Variants in NELL1 observed in about 807,000 individuals in gnomAD.
NELL1 encodes protein kinase C-binding protein NELL1.
NELL1 carries 76 observed loss-of-function variants against 107.4 expected under a neutral mutation model. That is an observed-to-expected ratio of 0.71 (90% CI 0.59 to 0.86). NELL1 has a LOEUF of 0.86. Among genes scored for constraint, NELL1 ranks in the 40% least tolerant of loss-of-function variants. The pLI is 0.00. For synonymous variants in NELL1, 353 were observed against 341.2 expected (o/e 1.03, Z -0.38); for missense variants, 1,024 against 1,005.5 (o/e 1.02, Z -0.25).
At chr11:21,125,405 G>A (rs1855464661) in intron 13 of NELL1, among the ~76,000 whole-genome samples, 1 of 152,044 alleles carries the variant, frequency 6.6e-6, no homozygotes, top group Non-Finnish European at 1.5e-5. Flanking sequence ...GAATAACTTG[G>A]ATTCTAAATA....
chr11:20,980,227 C>T (rs781186279), intron 12 of NELL1, among the ~76,000 whole-genome samples: 33 of 152,142 alleles, frequency 2.2e-4, no homozygotes, highest in Admixed American at 8.5e-4. Context: ...TCCTGAATCC[C>T]TCTTACACAG....
At chr11:20,804,335 A>C (rs1016534030) in intron 3 of NELL1, among the ~76,000 whole-genome samples, 2 of 152,100 alleles carry the variant, frequency 1.3e-5, no homozygotes, top group African/African-American at 2.4e-5. Flanking sequence ...TCCTGAGTTC[A>C]AGCAAGTCTC....
chr11:21,020,240 G>A (rs1852666138), intron 12 of NELL1, among the ~76,000 whole-genome samples: 1 of 152,090 alleles, frequency 6.6e-6, no homozygotes, highest in African/African-American at 2.4e-5. Flanking sequence ...CAGAACAATA[G>A]CATACCAACA....
intron 12 of NELL1, among the ~76,000 whole-genome samples, chr11:21,101,617 T>G (rs1451245272): frequency 6.6e-6 from 1 of 152,156 alleles, no homozygotes; most frequent in Non-Finnish European, 1.5e-5. Flanking sequence ...TCATGTGTCT[T>G]TTGGCTGCAT....
At chr11:21,347,252 G>A (rs1850702610) in intron 14 of NELL1, among the ~76,000 whole-genome samples, 1 of 152,094 alleles carries the variant, frequency 6.6e-6, no homozygotes, top group Admixed American at 6.5e-5. Context: ...CTAGTCAAAG[G>A]GAACAACAAG....
intron 2 of NELL1, among the ~76,000 whole-genome samples, chr11:20,711,994 A>G (rs1564874615): frequency 6.6e-6 from 1 of 152,066 alleles, no homozygotes; most frequent in Non-Finnish European, 1.5e-5. Context: ...AGCTGTCTAG[A>G]TCTTTAGTAA....
intron 2 of NELL1, among the ~76,000 whole-genome samples, chr11:20,752,226 T>C (rs945640193): frequency 2.6e-5 from 4 of 152,198 alleles, no homozygotes; most frequent in Admixed American, 6.5e-5. Context: ...TGAGTTGTCA[T>C]GTATTCCTAC....
chr11:21,393,794 T>C (rs929071082), intron 15 of NELL1, among the ~76,000 whole-genome samples: 3 of 151,676 alleles, frequency 2.0e-5, no homozygotes, highest in African/African-American at 7.3e-5. Flanking sequence ...GACTATGAAA[T>C]AGTTGACTTC....
intron 2 of NELL1, among the ~76,000 whole-genome samples, chr11:20,735,593 G>A (rs1474412139): frequency 1.3e-5 from 2 of 152,174 alleles, no homozygotes; most frequent in Non-Finnish European, 2.9e-5. Flanking sequence ...AATTCAAGAT[G>A]AGATTTGGGT....
intron 4 of NELL1, among the ~76,000 whole-genome samples, chr11:20,881,426 A>G (rs540162122): frequency 6.6e-6 from 1 of 152,188 alleles, no homozygotes; most frequent in Non-Finnish European, 1.5e-5. Flanking sequence ...AGTACAGACT[A>G]TAGGATCTGA....
chr11:21,070,862 T>C (rs1028216678), intron 12 of NELL1, among the ~76,000 whole-genome samples: 1 of 152,144 alleles, frequency 6.6e-6, no homozygotes, highest in Non-Finnish European at 1.5e-5. Context: ...AGGTCAACTA[T>C]CCCTCTTGCC....
chr11:20,696,957 C>T (rs1854633939), intron 2 of NELL1, among the ~76,000 whole-genome samples: 1 of 152,130 alleles, frequency 6.6e-6, no homozygotes, highest in South Asian at 2.1e-4. Flanking sequence ...ACTGTTTAAA[C>T]AGTTGGCTGC....
intron 10 of NELL1, among the ~76,000 whole-genome samples, chr11:20,943,242 A>G (rs574868067): frequency 6.6e-6 from 1 of 152,272 alleles, no homozygotes; most frequent in South Asian, 2.1e-4. Flanking sequence ...AGAGTTATTG[A>G]CAATAATTTT....
intron 13 of NELL1, among the ~76,000 whole-genome samples, chr11:21,122,133 A>G (rs923888995): frequency 2.0e-5 from 3 of 152,204 alleles, no homozygotes; most frequent in Non-Finnish European, 1.5e-5. Context: ...CTGTTGCAGA[A>G]CAACCAGGAT....
intron 12 of NELL1, among the ~76,000 whole-genome samples, chr11:20,975,920 C>CATATATGTACATATATGT (rs1554953002): frequency 1.8e-5 from 2 of 108,452 alleles, no homozygotes; most frequent in Non-Finnish European, 3.5e-5. Context: ...TATATAAACA[C>CATATATGTACATATATGT]ACATATATGT....
chr11:20,813,445 A>G (rs575306844), intron 3 of NELL1, among the ~76,000 whole-genome samples: 1 of 141,044 alleles, frequency 7.1e-6, no homozygotes, highest in South Asian at 2.5e-4. Context: ...GTAGATATAC[A>G]TGATGAGTTT....
At chr11:21,409,657 G>T (rs1379076413) in intron 15 of NELL1, among the ~76,000 whole-genome samples, 1 of 151,688 alleles carries the variant, frequency 6.6e-6, no homozygotes, top group African/African-American at 2.4e-5. Context: ...TAAAATTCAG[G>T]CTATCACACC....
chr11:21,563,126 C>T (rs1022924768), intron 17 of NELL1, among the ~76,000 whole-genome samples: 1 of 152,026 alleles, frequency 6.6e-6, no homozygotes, highest in South Asian at 2.1e-4. Context: ...CACAGGAACC[C>T]AGATGAAAAG....
At chr11:20,858,556 G>A (rs1037768708) in intron 4 of NELL1, among the ~76,000 whole-genome samples, 4 of 152,194 alleles carry the variant, frequency 2.6e-5, no homozygotes, top group Admixed American at 2.6e-4. Flanking sequence ...CAGGCCATAT[G>A]GCTGGATCTG....
Sources: allele counts gnomAD v4.1 joint callset (sites outside exome capture counted in the v4.1 genomes callset), GRCh38; gene constraint gnomAD v4.1.1; transcripts MANE v1.5; gene names NCBI Gene and HGNC (gene_info 2026-07-23, HGNC 2026-07-21).